Variants in SDK1 observed in about 807,000 individuals in gnomAD.
The protein encoded by SDK1 is sidekick cell adhesion molecule 1, also known as protein sidekick-1.
Under a neutral mutation model 245.5 loss-of-function variants are expected in SDK1, and 157 were observed. The observed-to-expected ratio is 0.64, with a 90% CI of 0.56 to 0.73. The LOEUF is 0.73. Ranked by LOEUF, SDK1 falls within the 30% of genes least tolerant of loss-of-function variation. The pLI is 0.00. For synonymous variants in SDK1, 1,647 were observed against 1,278.5 expected, an observed-to-expected ratio of 1.29 and a Z score of -6.15; for missense variants, 3,583 against 3,002.3, an observed-to-expected ratio of 1.19 and a Z score of -4.52.
chr7:3,561,258 C>T (rs1179866542), intron 1 of SDK1, among the ~76,000 whole-genome samples: 1 of 152,154 alleles, frequency 6.6e-6, no homozygotes, highest in African/African-American at 2.4e-5. Flanking sequence ...GGGGGTTGAT[C>T]CCTAACACCC....
At chr7:3,595,690 C>CA (rs1046245671) in intron 1 of SDK1, among the ~76,000 whole-genome samples, 7 of 151,758 alleles carry the variant, frequency 4.6e-5, no homozygotes, top group African/African-American at 1.7e-4. Context: ...TTGAACTAGT[C>CA]AAAGTTACCA....
intron 19 of SDK1, among the ~76,000 whole-genome samples, chr7:4,054,208 T>C (rs1459008335): frequency 1.3e-5 from 2 of 152,182 alleles, no homozygotes; most frequent in Non-Finnish European, 2.9e-5. Context: ...CCCAAAGTGC[T>C]GGGATTACAG....
intron 4 of SDK1, among the ~76,000 whole-genome samples, chr7:3,811,629 T>C (rs533593147): frequency 6.6e-6 from 1 of 152,300 alleles, no homozygotes; most frequent in African/African-American, 2.4e-5. Context: ...CTGCTGCTGC[T>C]GTTGGCCATG....
At chr7:4,205,599 C>G (rs983497898) in intron 35 of SDK1, among the ~76,000 whole-genome samples, 1 of 152,192 alleles carries the variant, frequency 6.6e-6, no homozygotes, top group African/African-American at 2.4e-5. Flanking sequence ...CTGTGCAATT[C>G]TATATATTTT....
intron 1 of SDK1, among the ~76,000 whole-genome samples, chr7:3,583,408 C>T (rs1780579031): frequency 6.6e-6 from 1 of 152,148 alleles, no homozygotes; most frequent in Non-Finnish European, 1.5e-5. Flanking sequence ...TTGAACTCAG[C>T]TTCTGTTTGG....
chr7:3,651,130 G>GTTT (rs35272140), intron 4 of SDK1, among the ~76,000 whole-genome samples: 14 of 142,170 alleles, frequency 9.8e-5, no homozygotes, highest in Non-Finnish European at 7.6e-5. Flanking sequence ...TTTAGTTTTA[G>GTTT]TTTTTTTTTT....
In SDK1 at chr7:3,564,475, G is replaced by T. The variant is rs559107737; in HGVS notation, c.299-54605G>T. ...CTACTTTCCATCTTGGGTGACAGAG[G>T]GAGACTCTCAAAAAAAAATTTATTT... On this transcript the variant is annotated intron_variant, in intron 1 of 44. Transcript: ENST00000404826. 1.1e-3 allele frequency among the ~76,000 whole-genome samples: 161 copies of T among 151,566 alleles called. 1 individual carries two copies. The highest frequency in any genetic ancestry group is 1.7e-3 in the Non-Finnish European group (113 of 67,882).
chr7:3,928,053 G>A (rs1392837196), intron 5 of SDK1, among the ~76,000 whole-genome samples: 3 of 152,148 alleles, frequency 2.0e-5, no homozygotes, highest in Non-Finnish European at 4.4e-5. Flanking sequence ...CTTTCCATTT[G>A]CACCTTCAGA....
At chr7:3,576,161 G>A (rs963565081) in intron 1 of SDK1, among the ~76,000 whole-genome samples, 3 of 152,104 alleles carry the variant, frequency 2.0e-5, no homozygotes, top group Admixed American at 6.6e-5. Context: ...TAGACCAGGT[G>A]TGCTTTGGAT....
chr7:4,224,225 A>G (rs1289065215), intron 40 of SDK1, among the ~76,000 whole-genome samples: 1 of 152,232 alleles, frequency 6.6e-6, no homozygotes, highest in Non-Finnish European at 1.5e-5. Context: ...TTATAAAGAA[A>G]AAAAGTTTAG....
At chr7:3,494,600 A>G (rs1315250510) in intron 1 of SDK1, among the ~76,000 whole-genome samples, 4 of 152,344 alleles carry the variant, frequency 2.6e-5, no homozygotes, top group South Asian at 2.1e-4. Context: ...TTAAGTACTT[A>G]GCATTTATTG....
chr7:4,046,745 G>A (rs1333390944), intron 17 of SDK1, among the ~76,000 whole-genome samples: 2 of 151,868 alleles, frequency 1.3e-5, no homozygotes, highest in African/African-American at 4.8e-5. Flanking sequence ...ACTTGCTTTG[G>A]CTATTCTAGT....
intron 2 of SDK1, among the ~76,000 whole-genome samples, chr7:3,625,908 G>C (rs1055863825): frequency 6.6e-6 from 1 of 151,018 alleles, no homozygotes; most frequent in African/African-American, 2.4e-5. Flanking sequence ...GTAAAAGGTA[G>C]AGCCAGAAGG....
intron 14 of SDK1, among the ~76,000 whole-genome samples, chr7:3,990,067 G>A (rs1345459889): frequency 6.6e-6 from 1 of 152,234 alleles, no homozygotes; most frequent in Non-Finnish European, 1.5e-5. Flanking sequence ...GGGCTTCAGG[G>A]AGAGGCCACA....
intron 35 of SDK1, among the ~76,000 whole-genome samples, chr7:4,202,070 G>C (rs1584432933): frequency 6.6e-6 from 1 of 152,180 alleles, no homozygotes; most frequent in East Asian, 1.9e-4. Flanking sequence ...GTTATTTAAG[G>C]ACCAGCCAGA....
At chr7:4,079,363 C>T in intron 21 of SDK1, 100 bp from the exon 22 acceptor site, 6 of 1,386,790 alleles carry the variant, frequency 4.3e-6, no homozygotes, top group South Asian at 2.6e-5. Flanking sequence ...GGTATAGAAT[C>T]GTTTTGAAAC....
intron 4 of SDK1, among the ~76,000 whole-genome samples, chr7:3,800,580 C>T (rs376591514): frequency 1.4e-4 from 21 of 152,064 alleles, no homozygotes; most frequent in African/African-American, 5.1e-4. Context: ...ACGGGTTAAC[C>T]AGGATGGTCT....
At position 4,265,290 on chromosome 7, in the gene SDK1, A is replaced by C; in HGVS notation, c.6548A>C (p.His2183Pro). The C allele has an allele frequency of 1.3e-6, 2 of 1,583,390 alleles. No individual in the cohort carries two copies. ...VAGSEAGAQL[H>P]PVITTQSAGG... is the part of the protein sequence containing the mutation. Reference sequence around the variant, plus strand: ...GGCTCCGAGGCGGGCGCGCAGCTGCACCCGGTCATCACCACGCAGAGCGCG... The same window carrying C: ...GGCTCCGAGGCGGGCGCGCAGCTGCCCCCGGTCATCACCACGCAGAGCGCG... The change falls in exon 45 of 45, where the codon CAC becomes CCC. Residue 2183 changes from histidine to proline, a missense_variant. Physicochemically the swap from His to Pro is moderately conservative, Grantham distance 77. Coordinates refer to ENST00000404826, the MANE Select transcript of SDK1 (RefSeq NM_152744.4).
intron 19 of SDK1, among the ~76,000 whole-genome samples, chr7:4,057,646 G>T (rs1316013947): frequency 6.6e-6 from 1 of 152,070 alleles, no homozygotes; most frequent in Non-Finnish European, 1.5e-5. Context: ...ATCACTCTGG[G>T]ATGTAAGGAC....
Sources: allele counts gnomAD v4.1 joint callset (sites outside exome capture counted in the v4.1 genomes callset), GRCh38; gene constraint gnomAD v4.1.1; transcripts MANE v1.5; gene names NCBI Gene and HGNC (gene_info 2026-07-23, HGNC 2026-07-21).